SNX9: variants seen among roughly 807,000 people sequenced by gnomAD.
SNX9 encodes the protein sorting nexin-9.
Under a neutral mutation model 89.4 loss-of-function variants are expected in SNX9, and 44 were observed. The ratio of observed to expected loss-of-function variants is 0.49; its 90% CI spans 0.39 to 0.63. The LOEUF (loss-of-function observed/expected upper bound fraction) is 0.63, where lower values mean the gene tolerates loss of function less well. Among genes scored for constraint, SNX9 ranks in the 30% least tolerant of loss-of-function variants. SNX9 has a pLI of 0.00. For missense variants in SNX9, 578 were observed against 736.1 expected (o/e 0.79, Z 2.49); for synonymous variants, 236 against 247.8 (o/e 0.95, Z 0.45).
intron 5 of SNX9, among the ~76,000 whole-genome samples, chr6:157,898,510 T>C (rs138292830): frequency 7.7e-4 from 118 of 152,320 alleles, no homozygotes; most frequent in African/African-American, 2.7e-3. Context: ...TGTTTTAAAA[T>C]CTTGAGCCAG....
chr6:157,887,814 A>G (rs986706879), intron 4 of SNX9, among the ~76,000 whole-genome samples: 2 of 152,120 alleles, frequency 1.3e-5, no homozygotes, highest in African/African-American at 4.8e-5. Flanking sequence ...ATTTCACAGG[A>G]GAGTTGCGCC....
At chr6:157,920,485 G>A (rs759769581) in intron 9 of SNX9, among the ~76,000 whole-genome samples, 15 of 152,104 alleles carry the variant, frequency 9.9e-5, no homozygotes, top group Non-Finnish European at 1.8e-4. Context: ...CCACCATGTC[G>A]AACACGTGGG....
At chr6:157,893,608 TTGTGTG>T (rs3047741) in intron 4 of SNX9, among the ~76,000 whole-genome samples, 5 of 148,754 alleles carry the variant, frequency 3.4e-5, no homozygotes, top group African/African-American at 7.4e-5. Context: ...CTAGCACCAT[TTGTGTG>T]TGTGTGTGTG....
At chr6:157,857,695 T>C (rs1479600454) in intron 1 of SNX9, among the ~76,000 whole-genome samples, 1 of 151,814 alleles carries the variant, frequency 6.6e-6, no homozygotes, top group Non-Finnish European at 1.5e-5. Flanking sequence ...CATTCTTGTT[T>C]GTTTATATGT....
rs566654122 is a variant in SNX9, at chr6:157,858,342, G to A, written c.13-9205G>A. Among the ~76,000 whole-genome samples, 88 of 151,688 alleles carry A rather than the reference G, an allele frequency of 5.8e-4. 1 individual carries two copies. The highest frequency in any genetic ancestry group is 1.1e-3 in the Non-Finnish European group (73 of 67,908). ...GCTCACCGCAGCCTCCACCACCCGG[G>A]TTCAAGTGATTCTCCTGCCTCAGCC... is the stretch of plus-strand genomic sequence containing the variant. On this transcript the variant is annotated intron_variant, in intron 1 of 17. Coordinates refer to ENST00000392185, the MANE Select transcript of SNX9 (RefSeq NM_016224.5).
chr6:157,901,865 T>C, intron 5 of SNX9, 33 bp from the exon 6 acceptor site: 1 of 1,567,614 alleles, frequency 6.4e-7, no homozygotes, highest in Non-Finnish European at 8.6e-7. Flanking sequence ...TTTTTTTTTT[T>C]TTTAACTGAT....
intron 3 of SNX9, 30 bp from the exon 4 acceptor site, chr6:157,875,021 A>C (rs1308738583): frequency 6.2e-7 from 1 of 1,611,698 alleles, no homozygotes; most frequent in Non-Finnish European, 8.5e-7. Context: ...GTAATCTATG[A>C]AAATAATTGC....
chr6:157,883,169 G>A (rs1010112849), intron 4 of SNX9, among the ~76,000 whole-genome samples: 1 of 152,160 alleles, frequency 6.6e-6, no homozygotes, highest in African/African-American at 2.4e-5. Flanking sequence ...ACTAGTGGAA[G>A]GCTCAGATGA....
chr6:157,869,733 A>G (rs1024050260), intron 2 of SNX9, among the ~76,000 whole-genome samples: 6 of 152,108 alleles, frequency 3.9e-5, no homozygotes. Flanking sequence ...TAGGTCTGTG[A>G]GACACCCCAC....
intron 10 of SNX9, among the ~76,000 whole-genome samples, chr6:157,926,868 T>C (rs149574844): frequency 2.2e-3 from 332 of 152,038 alleles, no homozygotes; most frequent in African/African-American, 7.7e-3. Flanking sequence ...CATGGCTGAA[T>C]TGGTTCATTC....
At chr6:157,865,905 CCT>C (rs112354431) in intron 1 of SNX9, among the ~76,000 whole-genome samples, 4,822 of 152,200 alleles carry the variant, frequency 0.032, 200 homozygotes, top group African/African-American at 0.091. Flanking sequence ...TTGCATTAGC[CCT>C]GTTAGACTAG....
At chr6:157,841,549 T>TGC (rs751298902) in intron 1 of SNX9, among the ~76,000 whole-genome samples, 5 of 152,158 alleles carry the variant, frequency 3.3e-5, no homozygotes, top group Non-Finnish European at 7.4e-5. Context: ...ACACTGTGAC[T>TGC]GCACAGCCCA....
chr6:157,868,798 G>A (rs762524113), intron 2 of SNX9, among the ~76,000 whole-genome samples: 12 of 152,208 alleles, frequency 7.9e-5, no homozygotes, highest in African/African-American at 1.2e-4. Context: ...AAAGCAGATA[G>A]GGAGAATTTG....
intron 5 of SNX9, among the ~76,000 whole-genome samples, chr6:157,899,315 TC>T: frequency 6.6e-6 from 1 of 152,282 alleles, no homozygotes; most frequent in South Asian, 2.1e-4. Context: ...CAAAGTTCTG[TC>T]GTCCCTTTCG....
In SNX9 at chr6:157,943,914, G is replaced by A. The variant is rs548483831; in HGVS notation, c.*1076G>A. On this transcript the variant is annotated 3_prime_UTR_variant, in exon 18 of 18. Coordinates refer to ENST00000392185, the MANE Select transcript of SNX9 (RefSeq NM_016224.5). ...TTAGCTCCCCATTAGATGGAAAAGT[G>A]TAGGGACTGAGAAGGGCTGCAGCCT... 7 of 152,402 alleles carry A rather than the reference G, an allele frequency of 4.6e-5. No homozygotes were observed. The highest frequency in any genetic ancestry group is 1.7e-4 in the African/African-American group (7 of 41,554). 9.4% of individuals were successfully genotyped at this position (152,402 alleles called of 1,614,324 possible).
rs376201864 is a variant in SNX9 at position 157,830,823 on chromosome 6, T to G, written c.12+7377T>G. ...AATTGCCTTTTCTCCATTCTTTCTTTCTGGAACTCTAGTAACATGAAAAGG... is the reference window on the plus strand; with the variant it reads ...AATTGCCTTTTCTCCATTCTTTCTTGCTGGAACTCTAGTAACATGAAAAGG... On this transcript the variant is annotated intron_variant, in intron 1 of 17. Coordinates refer to ENST00000392185, the MANE Select transcript of SNX9 (RefSeq NM_016224.5). Among the ~76,000 whole-genome samples, 13 of 152,302 alleles carry G rather than the reference T, an allele frequency of 8.5e-5. No individual in the cohort carries two copies. The East Asian group carries it at 2.5e-3, about 29-fold the overall frequency.
intron 1 of SNX9, among the ~76,000 whole-genome samples, chr6:157,841,741 G>A (rs1321554066): frequency 1.3e-5 from 2 of 152,170 alleles, no homozygotes; most frequent in African/African-American, 2.4e-5. Context: ...CTTCTGCTAC[G>A]ACAAGGTCCC....
chr6:157,919,362 G>A (rs1783536988), intron 9 of SNX9, among the ~76,000 whole-genome samples: 1 of 152,052 alleles, frequency 6.6e-6, no homozygotes, highest in African/African-American at 2.4e-5. Context: ...TGGTGTGCTT[G>A]ATGTATTCTA....
intron 17 of SNX9, among the ~76,000 whole-genome samples, chr6:157,941,871 T>A (rs1187788154): frequency 6.6e-6 from 1 of 152,264 alleles, no homozygotes; most frequent in Non-Finnish European, 1.5e-5. Flanking sequence ...AGCCCTGTCC[T>A]CCCTTACAGG....
Sources: gnomAD v4.1 joint callset for allele counts (sites outside exome capture counted in the v4.1 genomes callset) on GRCh38, gnomAD v4.1.1 for gene constraint, MANE v1.5 for transcripts, NCBI Gene and HGNC (gene_info 2026-07-23, HGNC 2026-07-21) for gene names.